Variants in COL22A1 observed in about 807,000 individuals in gnomAD.
The protein encoded by COL22A1 is collagen type XXII alpha 1 chain, also known as collagen alpha-1(XXII) chain.
COL22A1 carries 221 observed loss-of-function variants against 248.9 expected under a neutral mutation model. That is an observed-to-expected ratio of 0.89 (90% CI 0.80 to 0.99). The LOEUF (loss-of-function observed/expected upper bound fraction) is 0.99. Among genes scored for constraint, COL22A1 ranks in the 50% least tolerant of loss-of-function variants. The probability of loss-of-function intolerance (pLI) is 0.00; values close to 1 mark genes in which losing one functional copy is unlikely to be tolerated. For synonymous variants in COL22A1, 891 were observed against 793.4 expected, an observed-to-expected ratio of 1.12 and a Z score of -2.07; for missense variants, 2,240 against 2,179.0, an observed-to-expected ratio of 1.03 and a Z score of -0.56.
At chr8:138,759,653 G>T (rs1833286379) in intron 18 of COL22A1, among the ~76,000 whole-genome samples, 1 of 152,148 alleles carries the variant, frequency 6.6e-6, no homozygotes, top group African/African-American at 2.4e-5. Flanking sequence ...TGCAAAGAAT[G>T]TCTACCTGCC....
intron 58 of COL22A1, 63 bp from the exon 59 acceptor site, chr8:138,604,832 G>T: frequency 1.5e-6 from 2 of 1,344,614 alleles, no homozygotes; most frequent in Non-Finnish European, 2.1e-6. Context: ...TACTAAGACT[G>T]TCTTTAAAAC....
chr8:138,625,896 A>G (rs986882152), intron 51 of COL22A1, among the ~76,000 whole-genome samples: 3 of 152,246 alleles, frequency 2.0e-5, no homozygotes, highest in Non-Finnish European at 4.4e-5. Flanking sequence ...ATAAACATAT[A>G]TATACAAGTA....
intron 22 of COL22A1, among the ~76,000 whole-genome samples, chr8:138,747,455 C>A (rs566426137): frequency 6.6e-6 from 1 of 152,162 alleles, no homozygotes; most frequent in African/African-American, 2.4e-5. Context: ...AAAGGAAGCT[C>A]GTCTCCTGCC....
At chr8:138,780,871 G>T in intron 13 of COL22A1, 56 bp downstream of exon 13, 1 of 1,455,368 alleles carries the variant, frequency 6.9e-7, no homozygotes, top group Non-Finnish European at 9.7e-7. Context: ...GTTCTGACCA[G>T]GAGATCACCA....
At chr8:138,664,690 A>C (rs1824340667) in intron 41 of COL22A1, among the ~76,000 whole-genome samples, 1 of 152,194 alleles carries the variant, frequency 6.6e-6, no homozygotes, top group South Asian at 2.1e-4. Flanking sequence ...TGGAGTCTGC[A>C]TTCTTACCAT....
At chr8:138,888,253 T>G (rs1824811419) in intron 1 of COL22A1, among the ~76,000 whole-genome samples, 1 of 151,746 alleles carries the variant, frequency 6.6e-6, no homozygotes, top group Admixed American at 6.6e-5. Context: ...GGAGGGAGGA[T>G]CAAGTGAGTG....
chr8:138,693,194 A>T (rs544804376), intron 35 of COL22A1, among the ~76,000 whole-genome samples: 1 of 152,168 alleles, frequency 6.6e-6, no homozygotes, highest in South Asian at 2.1e-4. Context: ...GGAGCAGCTG[A>T]GGAGTGTGCA....
rs1817328047 is a variant in COL22A1 at position 138,594,189 on chromosome 8, G to A, written c.4443C>T (p.Ala1481=). The A allele has an allele frequency of 1.9e-6, 3 of 1,571,032 alleles. No individual in the cohort carries two copies. The African/African-American group carries it at 4.2e-5, about 22-fold the overall frequency. ...CCGGGGGCATCTGGGCCAGGAGGTA[G>A]GCGAGTCTGGCTGTAAAGTAGAAAA... The part of the protein sequence containing the change: ...ELGKQLETRL[A]YLLAQMPPAY... The change falls in exon 63 of 65, where the codon GCC becomes GCT. Residue 1481 remains alanine (A), a synonymous_variant. Coordinates refer to ENST00000303045, the MANE Select transcript of COL22A1 (RefSeq NM_152888.3).
chr8:138,894,007 C>G (rs1825233723), intron 1 of COL22A1, among the ~76,000 whole-genome samples: 1 of 152,110 alleles, frequency 6.6e-6, no homozygotes, highest in Non-Finnish European at 1.5e-5. Flanking sequence ...CCAGGAATAG[C>G]CCACCTCCCA....
At chr8:138,807,895 C>A (rs1260185107) in intron 9 of COL22A1, 83 bp from the exon 10 acceptor site, 4 of 1,406,590 alleles carry the variant, frequency 2.8e-6, no homozygotes, top group African/African-American at 1.4e-5. Flanking sequence ...TCCACCCCCA[C>A]ATGCTTAGAA....
intron 48 of COL22A1, among the ~76,000 whole-genome samples, chr8:138,635,985 G>A (rs985592270): frequency 1.8e-4 from 28 of 152,174 alleles, no homozygotes; most frequent in Non-Finnish European, 2.9e-5. Context: ...TCAGAGCCAG[G>A]TGCAGTGCCT....
intron 31 of COL22A1, among the ~76,000 whole-genome samples, chr8:138,702,264 T>C (rs545396166): frequency 6.6e-6 from 1 of 152,194 alleles, no homozygotes; most frequent in African/African-American, 2.4e-5. Context: ...TAAACAAAAA[T>C]TTGATATGAC....
intron 59 of COL22A1, among the ~76,000 whole-genome samples, chr8:138,603,547 G>T (rs918164976): frequency 1.3e-5 from 2 of 152,138 alleles, no homozygotes; most frequent in African/African-American, 4.8e-5. Context: ...GCTTAGCCTA[G>T]AATTTATTCG....
At chr8:138,623,633 C>T (rs1820002290) in intron 52 of COL22A1, 99 bp downstream of exon 52, 16 of 1,023,548 alleles carry the variant, frequency 1.6e-5, no homozygotes, top group Non-Finnish European at 2.2e-5. Flanking sequence ...AAATGCCTAT[C>T]TTCGAGACTG....
intron 56 of COL22A1, among the ~76,000 whole-genome samples, chr8:138,609,584 A>G (rs1251414788): frequency 5.9e-5 from 9 of 152,186 alleles, no homozygotes; most frequent in Admixed American, 4.6e-4. Flanking sequence ...CGAACGCTGC[A>G]TAACGCTTCT....
chr8:138,589,463 C>G (rs971519739), intron 64 of COL22A1, 23 bp from the exon 65 acceptor site: 1 of 1,488,532 alleles, frequency 6.7e-7, no homozygotes, highest in Non-Finnish European at 8.9e-7. Flanking sequence ...GCAAAAGAAA[C>G]AGAAGGTGGT....
rs142299419 is a variant in COL22A1 at position 138,590,759 on chromosome 8, T to C, written c.4693+665A>G. 6.2e-3 allele frequency among the ~76,000 whole-genome samples: 942 copies of C among 152,330 alleles called. 7 individuals carry two copies. Among genetic ancestry groups the C allele is most frequent in the African/African-American group, 0.021 (893 of 41,580 alleles). On this transcript the variant is annotated intron_variant, in intron 64 of 64. Transcript: ENST00000303045. ...TACCTTCTACCTATACATCTAATTCTGGAATGTGATTATTGCTGCATTGCA... is the reference window on the plus strand; with the variant it reads ...TACCTTCTACCTATACATCTAATTCCGGAATGTGATTATTGCTGCATTGCA...
intron 12 of COL22A1, among the ~76,000 whole-genome samples, chr8:138,786,809 C>A (rs1429454417): frequency 3.3e-5 from 5 of 152,110 alleles, no homozygotes; most frequent in Non-Finnish European, 4.4e-5. Flanking sequence ...GAGGCTGAGG[C>A]AGGAGAATTG....
chr8:138,747,095 G>T (rs1381953872), intron 22 of COL22A1, among the ~76,000 whole-genome samples: 1 of 152,168 alleles, frequency 6.6e-6, no homozygotes, highest in African/African-American at 2.4e-5. Flanking sequence ...ATGGTATTAT[G>T]GTTCTGTGTC....
Sources: gnomAD v4.1 joint callset for allele counts (sites outside exome capture counted in the v4.1 genomes callset) on GRCh38, gnomAD v4.1.1 for gene constraint, MANE v1.5 for transcripts, NCBI Gene and HGNC (gene_info 2026-07-23, HGNC 2026-07-21) for gene names.